Variants in WIPF1 observed in about 807,000 individuals in gnomAD.
WIPF1 encodes the protein WAS/WASL interacting protein family member 1.
A neutral mutation model predicts 35.4 loss-of-function variants in WIPF1; 13 were observed. The observed-to-expected ratio is 0.37, with a 90% CI of 0.24 to 0.58. WIPF1 has a LOEUF of 0.58. Ranked by LOEUF, WIPF1 falls within the 20% of genes least tolerant of loss-of-function variation. The probability of loss-of-function intolerance (pLI) is 0.74; values close to 1 mark genes in which losing one functional copy is unlikely to be tolerated. For missense variants in WIPF1, 591 were observed against 667.0 expected (o/e 0.89, Z 1.25); for synonymous variants, 267 against 266.3 (o/e 1.00, Z -0.02).
chr2:174,648,876 A>C (rs1483553232), intron 1 of WIPF1, among the ~76,000 whole-genome samples: 10 of 152,260 alleles, frequency 6.6e-5, no homozygotes, highest in Non-Finnish European at 1.3e-4. Context: ...CATTAATGAC[A>C]GACTGCCTTG....
intron 1 of WIPF1, among the ~76,000 whole-genome samples, chr2:174,664,675 CCACTTA>C (rs1267708538): frequency 1.3e-5 from 2 of 152,234 alleles, no homozygotes; most frequent in African/African-American, 4.8e-5. Flanking sequence ...GTCCCAGGGC[CCACTTA>C]CAAGTCAAAC....
At chr2:174,618,205 T>C (rs1686568337) in intron 1 of WIPF1, among the ~76,000 whole-genome samples, 1 of 152,236 alleles carries the variant, frequency 6.6e-6, no homozygotes, top group Non-Finnish European at 1.5e-5. Flanking sequence ...ACCCCAACCA[T>C]GGTCAACTGG....
chr2:174,607,880 G>A (rs1686221348), intron 1 of WIPF1, among the ~76,000 whole-genome samples: 1 of 152,196 alleles, frequency 6.6e-6, no homozygotes, highest in Non-Finnish European at 1.5e-5. Flanking sequence ...ATTTGTAAGT[G>A]AATTTTACAA....
intron 1 of WIPF1, among the ~76,000 whole-genome samples, chr2:174,604,901 G>A (rs898807687): frequency 6.6e-6 from 1 of 152,204 alleles, no homozygotes; most frequent in Admixed American, 6.5e-5. Context: ...ACCAGCCCTG[G>A]CTAATTAAAG....
chr2:174,589,582 C>G (rs1685541085), intron 1 of WIPF1, among the ~76,000 whole-genome samples: 1 of 152,230 alleles, frequency 6.6e-6, no homozygotes, highest in Non-Finnish European at 1.5e-5. Flanking sequence ...TGCCTGGATC[C>G]TCACACCCAG....
chr2:174,670,967 T>C (rs577468681), intron 1 of WIPF1, among the ~76,000 whole-genome samples: 7 of 152,312 alleles, frequency 4.6e-5, no homozygotes, highest in South Asian at 4.1e-4. Flanking sequence ...TACTGACACA[T>C]AAAATGGACA....
At chr2:174,682,457 C>G (rs925601894) in intron 1 of WIPF1, among the ~76,000 whole-genome samples, 1 of 152,204 alleles carries the variant, frequency 6.6e-6, no homozygotes, top group African/African-American at 2.4e-5. Flanking sequence ...CGGGGCGGCC[C>G]CGGGTCCGCG....
chr2:174,675,319 C>G (rs1455586962), intron 1 of WIPF1, among the ~76,000 whole-genome samples: 9 of 152,004 alleles, frequency 5.9e-5, no homozygotes, highest in Admixed American at 5.9e-4. Context: ...CTTTTGTAAT[C>G]TGAATAAATT....
At chr2:174,604,206 A>G (rs1686088103) in intron 1 of WIPF1, among the ~76,000 whole-genome samples, 1 of 152,230 alleles carries the variant, frequency 6.6e-6, no homozygotes, top group African/African-American at 2.4e-5. Context: ...AAATTTGGTC[A>G]TCTGAAATAC....
upstream of WIPF1, chr2:174,597,809 A>G (rs979583145): frequency 2.0e-5 from 3 of 152,536 alleles, no homozygotes; most frequent in African/African-American, 7.2e-5. Context: ...TTCTGTGGTT[A>G]TTCGCTTCCT....
intron 3 of WIPF1, among the ~76,000 whole-genome samples, chr2:174,577,244 A>C (rs1685089372): frequency 6.6e-6 from 1 of 152,180 alleles, no homozygotes; most frequent in African/African-American, 2.4e-5. Flanking sequence ...CTAAAAATGT[A>C]TTATCTTGCA....
chr2:174,592,215 T>C (rs1685637229), intron 1 of WIPF1, among the ~76,000 whole-genome samples: 1 of 152,164 alleles, frequency 6.6e-6, no homozygotes, highest in South Asian at 2.1e-4. Flanking sequence ...CAGAATGACA[T>C]GAGGTGGGGA....
At chr2:174,646,241 A>G (rs183852253) in intron 1 of WIPF1, among the ~76,000 whole-genome samples, 2 of 152,316 alleles carry the variant, frequency 1.3e-5, no homozygotes, top group Admixed American at 6.5e-5. Context: ...TTAATAATCT[A>G]TTTGTATATT....
At chr2:174,602,943 G>A (rs1686052527) in intron 1 of WIPF1, among the ~76,000 whole-genome samples, 1 of 152,170 alleles carries the variant, frequency 6.6e-6, no homozygotes, top group Non-Finnish European at 1.5e-5. Context: ...TCCAGACAGA[G>A]GAAAAGCATG....
chr2:174,647,649 T>TA (rs10716104), intron 1 of WIPF1, among the ~76,000 whole-genome samples: 8 of 141,422 alleles, frequency 5.7e-5, no homozygotes, highest in African/African-American at 2.1e-4. Context: ...GACCCTGTCT[T>TA]AAAAAAAAAA....
At chr2:174,675,167 T>C (rs532395742) in intron 1 of WIPF1, among the ~76,000 whole-genome samples, 43 of 152,288 alleles carry the variant, frequency 2.8e-4, no homozygotes, top group African/African-American at 7.2e-4. Flanking sequence ...TATATACTTA[T>C]ACATAGTTAT....
chr2:174,622,295 T>C lies in WIPF1; in HGVS notation c.-38-36684A>G, dbSNP rs1686700958. On this transcript the variant is annotated intron_variant, in intron 1 of 8. Transcript: ENST00000272746. The surrounding 1 kb of genome is among the most constrained non-coding windows in gnomAD (Gnocchi z 5.1). ...TACCACCAAAACTATATGATTTGTT[T>C]AATATTTTTATTTAACTCAACTAAC... 6.6e-6 allele frequency among the ~76,000 whole-genome samples: 1 copy of C among 152,238 alleles called. No individual in the cohort carries two copies. Among genetic ancestry groups the C allele is most frequent in the Non-Finnish European group, 1.5e-5 (1 of 68,046 alleles).
intron 1 of WIPF1, among the ~76,000 whole-genome samples, chr2:174,614,231 T>G (rs1354392361): frequency 6.6e-6 from 1 of 152,248 alleles, no homozygotes; most frequent in African/African-American, 2.4e-5. Context: ...GTAGTTAAGT[T>G]AAAATTCCAA....
chr2:174,564,815 G>A (rs1048110802), intron 7 of WIPF1, among the ~76,000 whole-genome samples: 6 of 143,414 alleles, frequency 4.2e-5, no homozygotes, highest in East Asian at 2.1e-4. Context: ...TTCTTCTGGT[G>A]CACACACACA....
Sources: allele counts gnomAD v4.1 joint callset (sites outside exome capture counted in the v4.1 genomes callset), GRCh38; gene constraint gnomAD v4.1.1; non-coding constraint Gnocchi (gnomAD v3.1); transcripts MANE v1.5; gene names NCBI Gene and HGNC (gene_info 2026-07-23, HGNC 2026-07-21).